PTPRF: variants seen among roughly 807,000 people sequenced by gnomAD.
The protein encoded by PTPRF is protein tyrosine phosphatase receptor type F, also known as receptor-type tyrosine-protein phosphatase F.
In PTPRF, 59 loss-of-function variants were observed where a neutral mutation model predicts 201.8. That is an observed-to-expected ratio of 0.29 (90% confidence interval 0.24 to 0.36). PTPRF has a LOEUF of 0.36. Ranked by LOEUF, PTPRF falls within the 10% of genes least tolerant of loss-of-function variation. The pLI is 1.00. For synonymous variants in PTPRF, 1,088 were observed against 1,089.7 expected (o/e 1.00, Z 0.03); for missense variants, 2,132 against 2,690.5 (o/e 0.79, Z 4.59).
chr1:43,528,387 C>T (rs1365301215), upstream of PTPRF, among the ~76,000 whole-genome samples: 5 of 152,050 alleles, frequency 3.3e-5, no homozygotes, highest in African/African-American at 7.2e-5. Flanking sequence ...GATGGGGTTT[C>T]ACCATGTTGG....
At position 43,545,143 on chromosome 1, in the gene PTPRF, TG is replaced by T; in HGVS notation, c.70del (p.Val24TrpfsTer26). The part of the protein sequence containing the change: ...PLVPALVMLG[L>X]VAGAHGDSKP... ...GTGCCTGCACTGGTGATGCTTGGTT[TG>T]GTGGCAGGCGCCCATGGTGACAGTA... On this transcript the variant is annotated frameshift_variant, in exon 3 of 34. Transcript: ENST00000359947. LOFTEE classifies it high-confidence loss of function. The T allele has an allele frequency of 6.3e-7, 1 of 1,585,902 alleles. No homozygotes were observed. Among genetic ancestry groups the T allele is most frequent in the Non-Finnish European group, 8.6e-7 (1 of 1,165,596 alleles).
At chr1:43,538,520 T>C (rs1644165697) in intron 2 of PTPRF, among the ~76,000 whole-genome samples, 1 of 151,958 alleles carries the variant, frequency 6.6e-6, no homozygotes, top group Non-Finnish European at 1.5e-5. Context: ...CAGGACGTGG[T>C]GAAGGATTGA....
At chr1:43,597,551 AGAGG>A (rs1361576976) in intron 11 of PTPRF, among the ~76,000 whole-genome samples, 193 bp from the exon 12 acceptor site, 1 of 152,070 alleles carries the variant, frequency 6.6e-6, no homozygotes, top group Non-Finnish European at 1.5e-5. Context: ...GGAAGGAGAG[AGAGG>A]GAGGCAGGTC....
chr1:43,616,288 C>T (rs1245749687), intron 23 of PTPRF, among the ~76,000 whole-genome samples: 5 of 151,004 alleles, frequency 3.3e-5, no homozygotes, highest in African/African-American at 7.3e-5. Flanking sequence ...GTGCTCACAG[C>T]GGTGCCAGGC....
At chr1:43,579,341 A>G (rs1647161270) in intron 7 of PTPRF, 1 of 401,882 alleles carries the variant, frequency 2.5e-6, no homozygotes, top group Non-Finnish European at 5.1e-6. Flanking sequence ...CTGCCGCAGC[A>G]TGGTGGGCTC....
At chr1:43,536,121 G>C (rs1003844741) in intron 1 of PTPRF, among the ~76,000 whole-genome samples, 3 of 152,182 alleles carry the variant, frequency 2.0e-5, no homozygotes, top group African/African-American at 7.2e-5. Context: ...TTTCTGAGTA[G>C]CTTTCTAGTC....
At chr1:43,584,792 C>G (rs1648686534) in intron 7 of PTPRF, among the ~76,000 whole-genome samples, 2 of 152,194 alleles carry the variant, frequency 1.3e-5, no homozygotes, top group Non-Finnish European at 1.5e-5. Flanking sequence ...TATCTTGATA[C>G]AGTGGATCCT....
intron 5 of PTPRF, among the ~76,000 whole-genome samples, chr1:43,559,739 C>T (rs1473410212): frequency 8.0e-6 from 1 of 124,570 alleles, no homozygotes; most frequent in Admixed American, 7.9e-5. Flanking sequence ...GTATCAGGCT[C>T]TGTGTGTGTG....
At chr1:43,613,488 C>T (rs1557857844) in intron 22 of PTPRF, 130 bp from the exon 23 acceptor site, 9 of 772,702 alleles carry the variant, frequency 1.2e-5, no homozygotes, top group Non-Finnish European at 2.1e-5. Context: ...GCTGCTGTCT[C>T]CATGCCACCA....
chr1:43,532,988 C>T (rs1191364538), intron 1 of PTPRF, among the ~76,000 whole-genome samples: 1 of 152,232 alleles, frequency 6.6e-6, no homozygotes, highest in Non-Finnish European at 1.5e-5. Flanking sequence ...TCGCAGCATA[C>T]CTGTGCACAT....
chr1:43,586,458 C>T (rs1000352481), intron 7 of PTPRF, among the ~76,000 whole-genome samples: 1 of 152,198 alleles, frequency 6.6e-6, no homozygotes, highest in Non-Finnish European at 1.5e-5. Context: ...GAGGTGCGTG[C>T]TCAGAGAGTC....
intron 19 of PTPRF, 29 bp from the exon 20 acceptor site, chr1:43,606,211 C>T (rs1411923514): frequency 4.4e-6 from 7 of 1,597,642 alleles, no homozygotes; most frequent in Non-Finnish European, 6.0e-6. Flanking sequence ...TCCAAGGCCC[C>T]TCATGACCCC....
rs1654751012 is a variant in PTPRF, at chr1:43,605,098, G to A, written c.3136-92G>A. The A allele has an allele frequency of 1.9e-6, 3 of 1,576,406 alleles. No individual in the cohort carries two copies. The East Asian group carries it at 6.8e-5, about 36-fold the overall frequency. ...CCCATGTGCATCCGGCTGTGGAGCA[G>A]GAATGTGGTTGTGTATCCGTGCACT... On this transcript the variant is annotated intron_variant, in intron 17 of 33. Coordinates refer to ENST00000359947, the MANE Select transcript of PTPRF (RefSeq NM_002840.5).
At chr1:43,605,762 C>G in intron 19 of PTPRF, 140 bp downstream of exon 19, 2 of 823,280 alleles carry the variant, frequency 2.4e-6, no homozygotes, top group Admixed American at 2.2e-5. Flanking sequence ...GCCCGCCCCT[C>G]TCTGGAGAGA....
intron 7 of PTPRF, among the ~76,000 whole-genome samples, chr1:43,583,796 A>G (rs1648382840): frequency 6.6e-6 from 1 of 152,124 alleles, no homozygotes; most frequent in Admixed American, 6.5e-5. Context: ...AGCCAGATCC[A>G]AATTAAGATC....
intron 5 of PTPRF, among the ~76,000 whole-genome samples, chr1:43,568,659 G>A (rs542653906): frequency 1.3e-4 from 20 of 152,288 alleles, no homozygotes; most frequent in African/African-American, 4.3e-4. Flanking sequence ...GCCTGTCCTG[G>A]ACTTGTGCTT....
intron 30 of PTPRF, 86 bp from the exon 31 acceptor site, chr1:43,620,368 G>T: frequency 1.3e-6 from 2 of 1,523,774 alleles, no homozygotes; most frequent in South Asian, 1.2e-5. Context: ...ACTACCTGAG[G>T]CATCTGTCCC....
chr1:43,552,285 C>A (rs1645086371), intron 3 of PTPRF, among the ~76,000 whole-genome samples: 2 of 152,086 alleles, frequency 1.3e-5, no homozygotes. Flanking sequence ...TTGTCAAGGT[C>A]CCTGACAATC....
intron 8 of PTPRF, among the ~76,000 whole-genome samples, chr1:43,590,567 A>G (rs1371814540): frequency 6.6e-6 from 1 of 152,098 alleles, no homozygotes; most frequent in African/African-American, 2.4e-5. Context: ...CCTATTACAC[A>G]TACTTTCCAC....
Sources: gnomAD v4.1 joint callset for allele counts (sites outside exome capture counted in the v4.1 genomes callset) on GRCh38, gnomAD v4.1.1 for gene constraint, MANE v1.5 for transcripts, NCBI Gene and HGNC (gene_info 2026-07-23, HGNC 2026-07-21) for gene names.